Variants in MAD1L1 observed in about 807,000 individuals in gnomAD.
MAD1L1 encodes the protein mitotic spindle assembly checkpoint protein MAD1.
In MAD1L1, 95 loss-of-function variants were observed where a neutral mutation model predicts 96.9. The observed-to-expected ratio is 0.98, with a 90% CI of 0.83 to 1.16. The LOEUF is 1.16. Ranked by LOEUF, MAD1L1 falls within the 50% of genes most tolerant of loss-of-function variation. MAD1L1 has a pLI of 0.00. For missense variants in MAD1L1, 1,007 were observed against 954.4 expected (o/e 1.06, Z -0.73); for synonymous variants, 473 against 396.6 (o/e 1.19, Z -2.29).
intron 14 of MAD1L1, among the ~76,000 whole-genome samples, chr7:1,990,357 T>TCTTC (rs1781353673): frequency 6.6e-6 from 1 of 152,196 alleles, no homozygotes; most frequent in Non-Finnish European, 1.5e-5. Flanking sequence ...CTCTGCACCC[T>TCTTC]CTGGCACCAG....
intron 11 of MAD1L1, among the ~76,000 whole-genome samples, chr7:2,147,266 C>T (rs1338093654): frequency 6.6e-6 from 1 of 152,188 alleles, no homozygotes; most frequent in Admixed American, 6.5e-5. Context: ...GACCTGCAGG[C>T]AAGAGGGACC....
intron 17 of MAD1L1, among the ~76,000 whole-genome samples, chr7:1,901,220 C>T (rs1384373968): frequency 2.0e-5 from 3 of 152,218 alleles, no homozygotes; most frequent in Non-Finnish European, 4.4e-5. Context: ...AGTTCAGTGG[C>T]TTACATCAAC....
chr7:2,030,260 G>A lies in MAD1L1; in HGVS notation c.1219-15618C>T, dbSNP rs116190687. On this transcript the variant is annotated intron_variant, in intron 12 of 18. Transcript: ENST00000265854. ...GGAGGTTCCCCCAGCCCACAGTGACGCCCGGGGTGGAGGTCACAAAGTTTT... is the reference window on the plus strand; with the variant it reads ...GGAGGTTCCCCCAGCCCACAGTGACACCCGGGGTGGAGGTCACAAAGTTTT... Among the ~76,000 whole-genome samples, 508 of 152,328 alleles carry A rather than the reference G, an allele frequency of 3.3e-3. 1 individual carries two copies. Among genetic ancestry groups the A allele is most frequent in the African/African-American group, 0.012 (501 of 41,574 alleles).
At chr7:2,213,645 C>G (rs534766397) in intron 9 of MAD1L1, among the ~76,000 whole-genome samples, 14 of 152,230 alleles carry the variant, frequency 9.2e-5, no homozygotes, top group African/African-American at 3.4e-4. Context: ...CATCCCTCCC[C>G]CATCTTCCAG....
intron 11 of MAD1L1, among the ~76,000 whole-genome samples, chr7:2,076,196 G>T (rs898613433): frequency 6.6e-6 from 1 of 152,234 alleles, no homozygotes; most frequent in African/African-American, 2.4e-5. Flanking sequence ...GGCAAAACCA[G>T]CACGTTTTGG....
At chr7:1,977,779 A>C (rs1780712886) in intron 15 of MAD1L1, among the ~76,000 whole-genome samples, 1 of 152,264 alleles carries the variant, frequency 6.6e-6, no homozygotes, top group Non-Finnish European at 1.5e-5. Flanking sequence ...GCCCAGCAGA[A>C]AGCAGAGTGC....
intron 14 of MAD1L1, among the ~76,000 whole-genome samples, chr7:1,983,107 T>C (rs1021446627): frequency 2.0e-5 from 3 of 150,900 alleles, no homozygotes; most frequent in African/African-American, 7.3e-5. Flanking sequence ...CACACACACG[T>C]GCACACACGC....
intron 11 of MAD1L1, among the ~76,000 whole-genome samples, chr7:2,099,105 G>C (rs936822700): frequency 1.4e-4 from 21 of 152,334 alleles, no homozygotes; most frequent in Non-Finnish European, 2.9e-4. Context: ...AAGAGGGTGA[G>C]CTTCACTGAG....
intron 18 of MAD1L1, among the ~76,000 whole-genome samples, chr7:1,835,018 C>T (rs569553186): frequency 6.6e-6 from 1 of 151,534 alleles, no homozygotes; most frequent in South Asian, 2.1e-4. Flanking sequence ...CCTAGAAAAT[C>T]AAAGTAATTC....
chr7:2,101,598 C>T (rs1246100920), intron 11 of MAD1L1, among the ~76,000 whole-genome samples: 1 of 145,152 alleles, frequency 6.9e-6, no homozygotes, highest in African/African-American at 2.5e-5. Flanking sequence ...CATCCGGGTG[C>T]CTGGCGTGAG....
intron 18 of MAD1L1, among the ~76,000 whole-genome samples, chr7:1,822,582 C>T (rs910929189): frequency 2.4e-4 from 37 of 151,896 alleles, no homozygotes; most frequent in African/African-American, 8.7e-4. Context: ...TGCGCACCAC[C>T]ACTCATGGCT....
chr7:2,172,765 C>T (rs1421281701), intron 10 of MAD1L1, among the ~76,000 whole-genome samples: 1 of 152,244 alleles, frequency 6.6e-6, no homozygotes. Context: ...CGTGGCTGGC[C>T]GCAGTCCCAT....
At chr7:1,967,421 A>C in intron 15 of MAD1L1, among the ~76,000 whole-genome samples, 1 of 152,276 alleles carries the variant, frequency 6.6e-6, no homozygotes, top group East Asian at 1.9e-4. Flanking sequence ...GATGGTTTAG[A>C]AACTGACCCG....
chr7:1,841,501 C>A (rs1783254706), intron 18 of MAD1L1, among the ~76,000 whole-genome samples: 1 of 152,238 alleles, frequency 6.6e-6, no homozygotes, highest in African/African-American at 2.4e-5. Flanking sequence ...AGCCTCCTGA[C>A]CTCGGCCTGG....
At chr7:1,996,503 C>T (rs943048067) in intron 14 of MAD1L1, among the ~76,000 whole-genome samples, 4 of 152,342 alleles carry the variant, frequency 2.6e-5, no homozygotes, top group East Asian at 1.9e-4. Context: ...CATGGGCCCA[C>T]GGGACCTGCC....
At chr7:2,223,659 T>G (rs938437908) in intron 4 of MAD1L1, 3 of 152,276 alleles carry the variant, frequency 2.0e-5, no homozygotes, top group Non-Finnish European at 4.4e-5. Context: ...CTCCAGCCCT[T>G]GTGAGCTGCA....
chr7:2,159,752 G>A (rs1472416400), intron 10 of MAD1L1, among the ~76,000 whole-genome samples: 1 of 152,154 alleles, frequency 6.6e-6, no homozygotes, highest in African/African-American at 2.4e-5. Flanking sequence ...GTTAAATGTC[G>A]TAGTCTATCC....
chr7:1,841,063 C>T (rs10950399), intron 18 of MAD1L1, among the ~76,000 whole-genome samples: 58,148 of 151,678 alleles, frequency 0.38, 11,275 homozygotes, highest in Admixed American at 0.48. Flanking sequence ...TGACCAAGGC[C>T]GCTCCCGGGC....
At chr7:1,889,598 CAG>C (rs1232112071) in intron 18 of MAD1L1, among the ~76,000 whole-genome samples, 1 of 152,206 alleles carries the variant, frequency 6.6e-6, no homozygotes, top group Admixed American at 6.5e-5. Context: ...CCCTGCAACG[CAG>C]AGAGATGCTT....
Sources: gnomAD v4.1 joint callset for allele counts (sites outside exome capture counted in the v4.1 genomes callset) on GRCh38, gnomAD v4.1.1 for gene constraint, MANE v1.5 for transcripts, NCBI Gene and HGNC (gene_info 2026-07-23, HGNC 2026-07-21) for gene names.